SNX4: variants seen among roughly 807,000 people sequenced by gnomAD.
The protein encoded by SNX4 is sorting nexin-4.
Under a neutral mutation model 70.8 loss-of-function variants are expected in SNX4, and 49 were observed. The observed-to-expected ratio is 0.69, with a 90% CI of 0.55 to 0.88. SNX4 has a LOEUF of 0.88. SNX4 is among the 40% of genes least tolerant of loss of function. The probability of loss-of-function intolerance (pLI) is 0.00; values close to 1 mark genes in which losing one functional copy is unlikely to be tolerated. For missense variants in SNX4, 528 were observed against 544.8 expected (o/e 0.97, Z 0.31); for synonymous variants, 206 against 183.8 (o/e 1.12, Z -0.98).
rs143609479 is a variant in SNX4, at chr3:125,514,980, T to C, written c.141+5052A>G. On this transcript the variant is annotated intron_variant, in intron 1 of 13. Coordinates refer to ENST00000251775, the MANE Select transcript of SNX4 (RefSeq NM_003794.4). ...CATCCAGCCCAATGCTTCTTTTTAA[T>C]TTAAAAATATAGAAAAATATCAGAA... is the stretch of plus-strand genomic sequence containing the variant. 1.9e-3 allele frequency among the ~76,000 whole-genome samples: 239 copies of C among 125,178 alleles called. 1 individual carries two copies. Among genetic ancestry groups the C allele is most frequent in the Non-Finnish European group, 3.3e-3 (201 of 60,428 alleles). The allele number at this position is 125,178 out of a possible 152,430, so 82.1% of individuals were successfully genotyped here.
intron 1 of SNX4, among the ~76,000 whole-genome samples, chr3:125,511,481 G>C (rs1040694353): frequency 6.6e-6 from 1 of 152,100 alleles, no homozygotes; most frequent in Non-Finnish European, 1.5e-5. Context: ...GTTTTAAGAA[G>C]AGCAGACTCC....
chr3:125,503,861 A>T (rs994513375), intron 2 of SNX4, among the ~76,000 whole-genome samples: 1 of 152,164 alleles, frequency 6.6e-6, no homozygotes, highest in African/African-American at 2.4e-5. Context: ...CTATCTACCA[A>T]GAGTATCACA....
chr3:125,486,413 C>A (rs1934534897), intron 6 of SNX4, among the ~76,000 whole-genome samples: 1 of 151,674 alleles, frequency 6.6e-6, no homozygotes, highest in African/African-American at 2.4e-5. Context: ...GATGAAACTT[C>A]TACTATGCAA....
intron 1 of SNX4, among the ~76,000 whole-genome samples, chr3:125,505,730 T>A (rs1935031023): frequency 6.6e-6 from 1 of 152,192 alleles, no homozygotes; most frequent in Non-Finnish European, 1.5e-5. Context: ...CCAGGGGACT[T>A]CAAAAGCCAG....
rs188289503 is a variant in SNX4 at position 125,502,101 on chromosome 3, T to G, written c.263+2522A>C. 9.8e-4 allele frequency among the ~76,000 whole-genome samples: 149 copies of G among 152,328 alleles called. 1 individual carries two copies. Among genetic ancestry groups the G allele is most frequent in the Admixed American group, 8.7e-3 (133 of 15,288 alleles). On this transcript the variant is annotated intron_variant, in intron 2 of 13. Transcript: ENST00000251775. The stretch of plus-strand genomic sequence containing the variant: ...AAATATATCCTTTTTCATTGTAAAC[T>G]TAAAATTTACTTAGAAGGCTACAGC...
chr3:125,491,191 A>G lies in SNX4; in HGVS notation c.598-1728T>C, dbSNP rs1396699816. 2.0e-5 allele frequency among the ~76,000 whole-genome samples: 3 copies of G among 152,262 alleles called. No individual in the cohort carries two copies. The East Asian group carries it at 5.8e-4, about 29-fold the overall frequency. On this transcript the variant is annotated intron_variant, in intron 5 of 13. Transcript: ENST00000251775. ...AAAATCAGTATTTCACAAATTCTGG[A>G]TCCTTCTTACATCTCAAGGAAAAAT... is the stretch of plus-strand genomic sequence containing the variant.
At chr3:125,488,836 T>G (rs763534658) in intron 6 of SNX4, among the ~76,000 whole-genome samples, 1 of 152,214 alleles carries the variant, frequency 6.6e-6, no homozygotes, top group Non-Finnish European at 1.5e-5. Context: ...CCATATAATG[T>G]AGAGTTTGAA....
chr3:125,480,860 T>C lies in SNX4; in HGVS notation c.654-541A>G, dbSNP rs72977749. Among the ~76,000 whole-genome samples, 1,095 of 152,204 alleles carry C rather than the reference T, an allele frequency of 7.2e-3. 7 individuals are homozygous for C. The highest frequency in any genetic ancestry group is 0.021 in the African/African-American group (890 of 41,530). On this transcript the variant is annotated intron_variant, in intron 6 of 13. Coordinates refer to ENST00000251775, the MANE Select transcript of SNX4 (RefSeq NM_003794.4). ...CAATCAACTTACACACTTCCCCATA[T>C]CTACATCATTTTTTCCCTCCCACTA...
chr3:125,479,213 A>G (rs1188395952), intron 7 of SNX4, among the ~76,000 whole-genome samples: 2 of 152,144 alleles, frequency 1.3e-5, no homozygotes, highest in African/African-American at 2.4e-5. Flanking sequence ...TCCACTGCTC[A>G]TCGGTGGACT....
intron 7 of SNX4, among the ~76,000 whole-genome samples, chr3:125,477,609 A>T (rs1934315316): frequency 6.6e-6 from 1 of 152,226 alleles, no homozygotes; most frequent in Non-Finnish European, 1.5e-5. Context: ...AAACATGAGT[A>T]TGAGGAATTA....
chr3:125,509,612 G>T (rs1183939934), intron 1 of SNX4, among the ~76,000 whole-genome samples: 2 of 151,906 alleles, frequency 1.3e-5, no homozygotes, highest in Admixed American at 6.6e-5. Flanking sequence ...AATTAGCTGG[G>T]TGTGGTGGTG....
At chr3:125,480,455 A>G (rs1272012595) in intron 6 of SNX4, 136 bp from the exon 7 acceptor site, 4 of 383,546 alleles carry the variant, frequency 1.0e-5, no homozygotes, top group African/African-American at 2.1e-5. Context: ...ACATTTACAC[A>G]CCAATATAAA....
intron 13 of SNX4, 102 bp downstream of exon 13, chr3:125,451,203 G>A: frequency 3.6e-6 from 2 of 549,906 alleles, no homozygotes; most frequent in Non-Finnish European, 6.5e-6. Context: ...CATTCTACAA[G>A]AGAAGAATAA....
chr3:125,480,306 G>A lies in SNX4; in HGVS notation c.667C>T (p.Leu223Phe), dbSNP rs1357049520. Residue 223 changes from leucine to phenylalanine, a missense_variant, in exon 7 of 14, where the codon CTT (leucine) becomes TTT (phenylalanine). By Grantham distance (22) the Leu-to-Phe change is conservative. Coordinates refer to ENST00000251775, the MANE Select transcript of SNX4 (RefSeq NM_003794.4). The part of the protein sequence containing the change: ...VKNPDKRFTD[L>F]KHYSDELQSV... ...TGCAGTTCATCACTATAGTGCTTAAGGTCAGTAAATCTCCTGAAACAGGAA... is the reference window on the plus strand; with the variant it reads ...TGCAGTTCATCACTATAGTGCTTAAAGTCAGTAAATCTCCTGAAACAGGAA... 2 of 1,530,816 alleles carry A rather than the reference G, an allele frequency of 1.3e-6. No individual in the cohort carries two copies. The highest frequency in any genetic ancestry group is 1.8e-6 in the Non-Finnish European group (2 of 1,132,036). The allele number at this position is 1,530,816 out of a possible 1,614,324, so 94.8% of individuals were successfully genotyped here.
intron 4 of SNX4, 102 bp downstream of exon 4, chr3:125,497,732 A>T: frequency 1.3e-6 from 1 of 780,522 alleles, no homozygotes; most frequent in Non-Finnish European, 2.0e-6. Flanking sequence ...AATAAATTGC[A>T]TATAAATTAA....
At position 125,477,309 on chromosome 3, in the gene SNX4, A is replaced by G. The variant is rs1049095479; in HGVS notation, c.727-553T>C. On this transcript the variant is annotated intron_variant, in intron 7 of 13. Transcript: ENST00000251775. ...ATGCTGAATACATGCATATACTTCTATGCTACTTTGTCAAAAGATAACTCC... is the reference window on the plus strand; with the variant it reads ...ATGCTGAATACATGCATATACTTCTGTGCTACTTTGTCAAAAGATAACTCC... Among the ~76,000 whole-genome samples, 21 of 152,358 alleles carry G rather than the reference A, an allele frequency of 1.4e-4. No homozygotes were observed. In the Middle Eastern group the frequency reaches 0.01, roughly 74 times the overall value.
At position 125,480,261 on chromosome 3, in the gene SNX4, G is replaced by C. The variant is rs2107545430; in HGVS notation, c.712C>G (p.Leu238Val). Residue 238 changes from leucine (L) to valine (V), a missense_variant, in exon 7 of 14, where the codon CTT becomes GTT. This residue lies in a region of SNX4 where 341 missense variants were observed against 312.2 expected (regional missense o/e 1.09). Transcript: ENST00000251775. The stretch of plus-strand genomic sequence containing the variant: ...GGACCACTTACAGCTCTGACTCGAA[G>C]AAGATGTGAGATGACAGACTGCAGT... ...DELQSVISHLLRVRARVADRL... is the reference protein window; with the variant it reads ...DELQSVISHLVRVRARVADRL... The C allele has an allele frequency of 6.4e-7, 1 of 1,561,718 alleles. No individual in the cohort carries two copies. The highest frequency in any genetic ancestry group is 8.7e-7 in the Non-Finnish European group (1 of 1,150,700).
At chr3:125,498,246 C>T (rs1428645122) in intron 2 of SNX4, 52 bp from the exon 3 acceptor site, 7 of 1,444,272 alleles carry the variant, frequency 4.8e-6, no homozygotes, top group Non-Finnish European at 2.9e-6. Context: ...AAAATACATA[C>T]ACATAAATAC....
In SNX4 at chr3:125,520,151, G is replaced by T; in HGVS notation, c.22C>A (p.Pro8Thr). 7.0e-7 allele frequency: 1 copy of T among 1,432,648 alleles called. No individual in the cohort carries two copies. Among genetic ancestry groups the T allele is most frequent in the Non-Finnish European group, 9.1e-7 (1 of 1,099,760 alleles). The allele number at this position is 1,432,648 out of a possible 1,614,324, so 88.7% of individuals were successfully genotyped here. The change falls in exon 1 of 14, where the codon CCC becomes ACC. Residue 8 changes from proline (P) to threonine (T), a missense_variant. Pro to Thr is a conservative substitution (Grantham distance 38). Around this residue, in one of 3 missense-constraint regions of SNX4, gnomAD observed 341 missense variants for 312.2 expected, o/e 1.09. Transcript: ENST00000251775. MEQAPPD[P>T]ERQLQPAPLE... ...GGCGCCGGCTGGAGCTGCCGCTCGG[G>T]GTCCGGAGGTGCCTGCTCCATGGCT...
Sources: gnomAD v4.1 joint callset for allele counts (sites outside exome capture counted in the v4.1 genomes callset) on GRCh38, gnomAD v4.1.1 for gene constraint, gnomAD v4.1.1 regional missense constraint, MANE v1.5 for transcripts, NCBI Gene and HGNC (gene_info 2026-07-23, HGNC 2026-07-21) for gene names.